Variants in KCNH7 observed in about 807,000 individuals in gnomAD.
The protein encoded by KCNH7 is voltage-gated inwardly rectifying potassium channel KCNH7.
In KCNH7, 49 loss-of-function variants were observed where a neutral mutation model predicts 120.8. That is an observed-to-expected ratio of 0.41 (90% CI 0.32 to 0.51). The LOEUF is 0.51. Among genes scored for constraint, KCNH7 ranks in the 20% least tolerant of loss-of-function variants. KCNH7 has a pLI of 0.38. For missense variants in KCNH7, 1,097 were observed against 1,446.6 expected (o/e 0.76, Z 3.92); for synonymous variants, 547 against 516.1 (o/e 1.06, Z -0.81).
intron 2 of KCNH7, among the ~76,000 whole-genome samples, chr2:162,751,644 T>C (rs1688554803): frequency 6.6e-6 from 1 of 152,026 alleles, no homozygotes; most frequent in African/African-American, 2.4e-5. Flanking sequence ...TATTTGCAGA[T>C]TTGTAGCCCA....
At chr2:162,754,818 T>C (rs377568009) in intron 2 of KCNH7, among the ~76,000 whole-genome samples, 1 of 152,190 alleles carries the variant, frequency 6.6e-6, no homozygotes, top group Non-Finnish European at 1.5e-5. Flanking sequence ...TATTTAGGAC[T>C]TAGCAAACTT....
chr2:162,738,350 C>T (rs2105404715), intron 2 of KCNH7, among the ~76,000 whole-genome samples: 1 of 152,192 alleles, frequency 6.6e-6, no homozygotes, highest in South Asian at 2.1e-4. Flanking sequence ...TGTTGACTAC[C>T]AAGAAGTCTC....
intron 3 of KCNH7, among the ~76,000 whole-genome samples, chr2:162,534,144 G>A (rs914658874): frequency 6.6e-6 from 1 of 151,000 alleles, no homozygotes; most frequent in Non-Finnish European, 1.5e-5. Context: ...AAATTCATGG[G>A]GTATAGCTTA....
chr2:162,402,938 C>T (rs1349149455), intron 9 of KCNH7, among the ~76,000 whole-genome samples: 1 of 151,914 alleles, frequency 6.6e-6, no homozygotes, highest in African/African-American at 2.4e-5. Flanking sequence ...ATCAGACAGG[C>T]TTGATCCAGA....
At chr2:162,797,197 C>T (rs115762423) in intron 2 of KCNH7, 9 of 152,006 alleles carry the variant, frequency 5.9e-5, no homozygotes, top group South Asian at 2.1e-4. Context: ...ATTTGGGTTT[C>T]GTCTCAGAAA....
At chr2:162,439,608 T>C (rs745835899) in intron 7 of KCNH7, among the ~76,000 whole-genome samples, 1 of 152,242 alleles carries the variant, frequency 6.6e-6, no homozygotes, top group South Asian at 2.1e-4. Flanking sequence ...TTTTTATTTT[T>C]AATGTATCTT....
At chr2:162,576,074 AT>A (rs1693660188) in intron 2 of KCNH7, among the ~76,000 whole-genome samples, 1 of 152,032 alleles carries the variant, frequency 6.6e-6, no homozygotes, top group Non-Finnish European at 1.5e-5. Flanking sequence ...GCAAAAGTGC[AT>A]TTTTTTAATA....
chr2:162,423,101 C>G, intron 9 of KCNH7: 1 of 813,134 alleles, frequency 1.2e-6, no homozygotes, highest in Non-Finnish European at 1.9e-6. Context: ...CTACTACACA[C>G]AGTTATATCA....
chr2:162,745,493 T>G (rs1688284789), intron 2 of KCNH7, among the ~76,000 whole-genome samples: 1 of 152,196 alleles, frequency 6.6e-6, no homozygotes, highest in Non-Finnish European at 1.5e-5. Context: ...AGATTTTCTT[T>G]TAGTTTGAAA....
chr2:162,752,904 A>AAAAAG (rs1688613503), intron 2 of KCNH7, among the ~76,000 whole-genome samples: 105 of 50,860 alleles, frequency 2.1e-3, no homozygotes, highest in Non-Finnish European at 3.8e-3. Flanking sequence ...ACATCTCAGA[A>AAAAAG]AAAGAAAAGA....
chr2:162,452,396 G>C (rs1260183315), intron 6 of KCNH7, among the ~76,000 whole-genome samples: 1 of 152,054 alleles, frequency 6.6e-6, no homozygotes. Context: ...TGTAAGAATT[G>C]AGTTGGTTTC....
At chr2:162,404,222 T>G (rs1226539423) in intron 9 of KCNH7, among the ~76,000 whole-genome samples, 1 of 151,968 alleles carries the variant, frequency 6.6e-6, no homozygotes, top group Admixed American at 6.6e-5. Flanking sequence ...TGACTGTCCA[T>G]GCTTGAAGTT....
intron 4 of KCNH7, among the ~76,000 whole-genome samples, chr2:162,515,234 G>A (rs986446799): frequency 4.0e-5 from 6 of 151,524 alleles, no homozygotes; most frequent in Non-Finnish European, 5.9e-5. Context: ...TTGGGTGAGG[G>A]GGAAAAATCG....
intron 12 of KCNH7, among the ~76,000 whole-genome samples, chr2:162,391,954 A>C (rs1558922301): frequency 1.3e-5 from 2 of 152,068 alleles, no homozygotes; most frequent in Non-Finnish European, 1.5e-5. Flanking sequence ...ATTGCAGAAC[A>C]AAATTATCAA....
chr2:162,769,408 T>G (rs1475483102), intron 2 of KCNH7, among the ~76,000 whole-genome samples: 2 of 152,136 alleles, frequency 1.3e-5, no homozygotes, highest in Admixed American at 1.3e-4. Context: ...TGCAACCATT[T>G]ACAAAGTTGA....
intron 2 of KCNH7, among the ~76,000 whole-genome samples, chr2:162,831,050 C>T (rs893007796): frequency 6.6e-6 from 1 of 152,120 alleles, no homozygotes; most frequent in Non-Finnish European, 1.5e-5. Context: ...AGTTTTCAAG[C>T]TGAGGTCTGA....
intron 6 of KCNH7, among the ~76,000 whole-genome samples, chr2:162,498,735 G>A (rs1421511076): frequency 1.1e-4 from 16 of 152,078 alleles, no homozygotes. Context: ...GACACTGGAA[G>A]AAAGAAGGTC....
At chr2:162,805,657 C>T (rs1684512797) in intron 2 of KCNH7, among the ~76,000 whole-genome samples, 1 of 152,016 alleles carries the variant, frequency 6.6e-6, no homozygotes, top group Non-Finnish European at 1.5e-5. Flanking sequence ...AGGATAACCT[C>T]TATGGAAAAC....
intron 6 of KCNH7, among the ~76,000 whole-genome samples, chr2:162,499,786 C>T (rs914936152): frequency 6.6e-6 from 1 of 152,124 alleles, no homozygotes; most frequent in African/African-American, 2.4e-5. Flanking sequence ...GTCATACAAA[C>T]ACCTCATGCT....
Sources: allele counts gnomAD v4.1 joint callset (sites outside exome capture counted in the v4.1 genomes callset), GRCh38; gene constraint gnomAD v4.1.1; transcripts MANE v1.5; gene names NCBI Gene and HGNC (gene_info 2026-07-23, HGNC 2026-07-21).